VAV3: variants seen among roughly 807,000 people sequenced by gnomAD.
VAV3 encodes the protein vav guanine nucleotide exchange factor 3, also known as guanine nucleotide exchange factor VAV3.
Under a neutral mutation model 131.2 loss-of-function variants are expected in VAV3, and 94 were observed. The ratio of observed to expected loss-of-function variants is 0.72; its 90% CI spans 0.61 to 0.85. VAV3 has a LOEUF of 0.85. Ranked by LOEUF, VAV3 falls within the 40% of genes least tolerant of loss-of-function variation. VAV3 has a pLI of 0.00. For missense variants in VAV3, 939 were observed against 1,002.7 expected (o/e 0.94, Z 0.86); for synonymous variants, 349 against 342.0 (o/e 1.02, Z -0.22).
chr1:107,845,683 C>G (rs1301865737), intron 2 of VAV3, among the ~76,000 whole-genome samples: 1 of 151,782 alleles, frequency 6.6e-6, no homozygotes, highest in Non-Finnish European at 1.5e-5. Context: ...ATAGATCAAA[C>G]AGAAGAAAGG....
In VAV3 at chr1:107,964,813, G is replaced by A; in HGVS notation, c.57C>T (p.Thr19=). The A allele has an allele frequency of 1.2e-6, 2 of 1,613,936 alleles. No individual in the cohort carries two copies. Among genetic ancestry groups the A allele is most frequent in the Non-Finnish European group, 1.7e-6 (2 of 1,179,970 alleles). Residue 19 remains threonine (T), a synonymous_variant, in exon 1 of 27, where the codon ACC becomes ACT. Coordinates refer to ENST00000370056, the MANE Select transcript of VAV3 (RefSeq NM_006113.5). ...CCGAGTCCCAGGTCACCCGGTGGTT[G>A]GTGGGCAGCACCTTGCAATGGATGA... The part of the protein sequence containing the change: ...QWLIHCKVLP[T]NHRVTWDSAQ...
intron 2 of VAV3, among the ~76,000 whole-genome samples, chr1:107,807,680 T>A (rs1336543994): frequency 6.6e-6 from 1 of 152,248 alleles, no homozygotes; most frequent in Non-Finnish European, 1.5e-5. Flanking sequence ...TAAGTCTGAC[T>A]CAGCTTTGCA....
intron 1 of VAV3, among the ~76,000 whole-genome samples, chr1:107,939,549 G>C (rs1673884178): frequency 6.6e-6 from 1 of 152,138 alleles, no homozygotes; most frequent in African/African-American, 2.4e-5. Context: ...AGCATTTTTT[G>C]GATATAGTGT....
At chr1:107,613,470 A>C (rs1652907930) in intron 21 of VAV3, among the ~76,000 whole-genome samples, 1 of 152,194 alleles carries the variant, frequency 6.6e-6, no homozygotes, top group Admixed American at 6.6e-5. Context: ...ACTGTGTCTG[A>C]TATGCCATGT....
chr1:107,868,767 C>T lies in VAV3; in HGVS notation c.321+6134G>A, dbSNP rs143017618. ...ACTTCGGTAATAAAGATTAACACAT[C>T]TACAAACCTGAAATCATTTAACTGG... is the stretch of plus-strand genomic sequence containing the variant. On this transcript the variant is annotated intron_variant, in intron 2 of 26. Transcript: ENST00000370056. 3.0e-3 allele frequency among the ~76,000 whole-genome samples: 459 copies of T among 152,258 alleles called. 1 individual carries two copies. Among genetic ancestry groups the T allele is most frequent in the Non-Finnish European group, 4.2e-3 (289 of 68,002 alleles).
chr1:107,958,241 A>G (rs180963836), intron 1 of VAV3, among the ~76,000 whole-genome samples: 2 of 152,228 alleles, frequency 1.3e-5, no homozygotes, highest in African/African-American at 4.8e-5. Flanking sequence ...TTGGGAAATA[A>G]CAGTTCTTCC....
chr1:107,860,722 C>T (rs902792995), intron 2 of VAV3, among the ~76,000 whole-genome samples: 6 of 151,508 alleles, frequency 4.0e-5, no homozygotes, highest in African/African-American at 4.8e-5. Context: ...ACTGAGGAGA[C>T]GACGTTTATT....
chr1:107,656,463 G>T (rs1397835259), intron 19 of VAV3, among the ~76,000 whole-genome samples: 1 of 152,136 alleles, frequency 6.6e-6, no homozygotes, highest in Non-Finnish European at 1.5e-5. Context: ...GCTGGGAAGT[G>T]GGGTAGTAGG....
chr1:107,799,502 TA>T (rs1237239227), intron 2 of VAV3, among the ~76,000 whole-genome samples: 1 of 152,112 alleles, frequency 6.6e-6, no homozygotes, highest in East Asian at 1.9e-4. Context: ...AAATATAGAA[TA>T]ATATGTAAAT....
chr1:107,708,072 T>C (rs1028632029), intron 15 of VAV3, among the ~76,000 whole-genome samples: 1 of 152,160 alleles, frequency 6.6e-6, no homozygotes, highest in African/African-American at 2.4e-5. Context: ...CACAAGCCCT[T>C]GGGCAGGAAC....
At chr1:107,688,850 C>T in intron 17 of VAV3, among the ~76,000 whole-genome samples, 1 of 152,222 alleles carries the variant, frequency 6.6e-6, no homozygotes, top group Non-Finnish European at 1.5e-5. Context: ...CATAGTACAA[C>T]ATTTCGTGTG....
Position 107,690,958 on chromosome 1 carries a change from T to C in VAV3, c.1706-2552A>G, listed in dbSNP as rs368874471. On this transcript the variant is annotated intron_variant, in intron 17 of 26. Coordinates refer to ENST00000370056, the MANE Select transcript of VAV3 (RefSeq NM_006113.5). The stretch of plus-strand genomic sequence containing the variant: ...CAGCTCCTAGAAGTCTGTTTTTATT[T>C]AATCATGTTTCATGGTAGGATTCTG... Among the ~76,000 whole-genome samples the C allele has an allele frequency of 1.4e-4, 21 of 152,290 alleles. 1 individual carries two copies. Among genetic ancestry groups the C allele is most frequent in the East Asian group, 1.2e-3 (6 of 5,176 alleles).
At chr1:107,748,570 A>AT (rs545540651) in intron 15 of VAV3, among the ~76,000 whole-genome samples, 146 of 152,350 alleles carry the variant, frequency 9.6e-4, no homozygotes, top group African/African-American at 3.3e-3. Context: ...ATGCATTTAC[A>AT]TATCTGTTTG....
At chr1:107,793,699 T>G (rs1196787934) in intron 2 of VAV3, among the ~76,000 whole-genome samples, 1 of 152,236 alleles carries the variant, frequency 6.6e-6, no homozygotes, top group African/African-American at 2.4e-5. Context: ...GGTCTAGATT[T>G]TGTTATTTAT....
intron 2 of VAV3, among the ~76,000 whole-genome samples, chr1:107,811,214 A>T (rs867626262): frequency 1.4e-4 from 21 of 152,160 alleles, no homozygotes; most frequent in Admixed American, 5.2e-4. Flanking sequence ...AGCTGGTTAG[A>T]AGTTGAACAG....
At chr1:107,865,292 A>G (rs1312890113) in intron 2 of VAV3, among the ~76,000 whole-genome samples, 2 of 152,206 alleles carry the variant, frequency 1.3e-5, no homozygotes, top group African/African-American at 4.8e-5. Context: ...GAATGTGCAG[A>G]GACAAGTAGC....
intron 25 of VAV3, among the ~76,000 whole-genome samples, chr1:107,590,695 G>A (rs114118243): frequency 0.013 from 2,018 of 152,144 alleles, 18 homozygotes; most frequent in Non-Finnish European, 0.021. Context: ...CTTGCCAGTT[G>A]TCCAAAGCAA....
chr1:107,854,258 C>T (rs914468751), intron 2 of VAV3, among the ~76,000 whole-genome samples: 1 of 152,008 alleles, frequency 6.6e-6, no homozygotes, highest in Non-Finnish European at 1.5e-5. Context: ...TGCAGTTAGC[C>T]GAGATTGTAC....
intron 1 of VAV3, among the ~76,000 whole-genome samples, chr1:107,920,383 A>G (rs928123843): frequency 1.3e-5 from 2 of 152,226 alleles, no homozygotes; most frequent in East Asian, 3.9e-4. Flanking sequence ...AATAGGGACA[A>G]AATTCTTCTC....
Sources: gnomAD v4.1 joint callset for allele counts (sites outside exome capture counted in the v4.1 genomes callset) on GRCh38, gnomAD v4.1.1 for gene constraint, MANE v1.5 for transcripts, NCBI Gene and HGNC (gene_info 2026-07-23, HGNC 2026-07-21) for gene names.